The following SYT9 variants were observed in gnomAD, a reference collection of about 807,000 sequenced individuals.
SYT9 encodes synaptotagmin 9.
In SYT9, 22 loss-of-function variants were observed where a neutral mutation model predicts 48.4. The ratio of observed to expected loss-of-function variants is 0.45; its 90% CI spans 0.32 to 0.65. SYT9 has a LOEUF of 0.65. SYT9 is among the 30% of genes least tolerant of loss of function. The pLI, the probability that SYT9 is intolerant of heterozygous loss-of-function variation, is 0.03. For synonymous variants in SYT9, 265 were observed against 245.0 expected (o/e 1.08, Z -0.76); for missense variants, 577 against 622.0 (o/e 0.93, Z 0.77).
intron 6 of SYT9, among the ~76,000 whole-genome samples, chr11:7,448,062 C>T (rs1001389744): frequency 1.3e-5 from 2 of 152,226 alleles, no homozygotes; most frequent in Non-Finnish European, 2.9e-5. Flanking sequence ...TTTTGCCTAA[C>T]AGCATGAGCT....
intron 3 of SYT9, among the ~76,000 whole-genome samples, chr11:7,358,506 A>G (rs994290383): frequency 5.9e-5 from 9 of 152,172 alleles, no homozygotes; most frequent in African/African-American, 7.2e-5. Flanking sequence ...GAAATGGGGC[A>G]AGCAAGTATT....
intron 3 of SYT9, among the ~76,000 whole-genome samples, chr11:7,314,752 C>T (rs984478005): frequency 6.6e-6 from 1 of 152,220 alleles, no homozygotes; most frequent in African/African-American, 2.4e-5. Context: ...TTGTTTCTTT[C>T]ACCTGTCCAA....
intron 2 of SYT9, among the ~76,000 whole-genome samples, chr11:7,310,334 A>G (rs767763047): frequency 1.1e-4 from 17 of 150,082 alleles, no homozygotes; most frequent in Admixed American, 4.0e-4. Flanking sequence ...GGGTTTTACT[A>G]TGTTGGCCAG....
intron 1 of SYT9, among the ~76,000 whole-genome samples, chr11:7,292,944 G>T (rs773566776): frequency 6.6e-6 from 1 of 152,172 alleles, no homozygotes; most frequent in Non-Finnish European, 1.5e-5. Flanking sequence ...TAGGCAGCAA[G>T]TGGGGACTCA....
intron 2 of SYT9, among the ~76,000 whole-genome samples, chr11:7,307,702 A>C (rs1014543317): frequency 2.0e-4 from 31 of 152,222 alleles, no homozygotes; most frequent in Admixed American, 2.0e-3. Flanking sequence ...TGCATGGGAC[A>C]GTGGTGAAGA....
intron 6 of SYT9, chr11:7,427,446 T>C (rs931370779): frequency 6.6e-6 from 1 of 152,212 alleles, no homozygotes; most frequent in Non-Finnish European, 1.5e-5. Flanking sequence ...CTCTACTTGA[T>C]GTAGGCAGCC....
chr11:7,412,060 A>T (rs577379215), intron 3 of SYT9, among the ~76,000 whole-genome samples: 7 of 151,988 alleles, frequency 4.6e-5, no homozygotes, highest in East Asian at 3.9e-4. Context: ...TGGTTCTTTT[A>T]AAAAAAATGT....
chr11:7,356,763 A>AT (rs1202869053), intron 3 of SYT9, among the ~76,000 whole-genome samples: 1 of 152,252 alleles, frequency 6.6e-6, no homozygotes, highest in East Asian at 1.9e-4. Context: ...GAATATAGTT[A>AT]TTTTTTATTT....
intron 6 of SYT9, chr11:7,440,762 T>C (rs1001859062): frequency 2.0e-5 from 3 of 152,236 alleles, no homozygotes; most frequent in African/African-American, 7.2e-5. Flanking sequence ...CAGCTTAAGA[T>C]ACCAGAATAA....
chr11:7,254,431 C>T (rs1022914192), intron 1 of SYT9, among the ~76,000 whole-genome samples: 1 of 152,170 alleles, frequency 6.6e-6, no homozygotes, highest in African/African-American at 2.4e-5. Context: ...CCTTCATTTC[C>T]CTCCTTCCTT....
chr11:7,337,149 C>T (rs1343650778), intron 3 of SYT9, among the ~76,000 whole-genome samples: 1 of 152,032 alleles, frequency 6.6e-6, no homozygotes, highest in Non-Finnish European at 1.5e-5. Flanking sequence ...CTCGGCTTGG[C>T]TGTTGCTGGT....
intron 6 of SYT9, among the ~76,000 whole-genome samples, chr11:7,425,856 C>G (rs1431534669): frequency 6.6e-6 from 1 of 151,894 alleles, no homozygotes; most frequent in Non-Finnish European, 1.5e-5. Flanking sequence ...ATGAGGTGCT[C>G]CCCCCCAATA....
At chr11:7,306,609 C>T (rs1269047363) in intron 2 of SYT9, among the ~76,000 whole-genome samples, 5 of 152,202 alleles carry the variant, frequency 3.3e-5, no homozygotes, top group African/African-American at 7.2e-5. Context: ...GGTCTTCACA[C>T]GTTGTTCCCT....
At chr11:7,414,604 A>AT (rs1283293066) in intron 3 of SYT9, among the ~76,000 whole-genome samples, 1 of 152,230 alleles carries the variant, frequency 6.6e-6, no homozygotes, top group Non-Finnish European at 1.5e-5. Context: ...GCCCAGTCAC[A>AT]TGGGTCCCTT....
intron 6 of SYT9, among the ~76,000 whole-genome samples, chr11:7,458,738 T>C (rs1035745562): frequency 6.6e-6 from 1 of 151,908 alleles, no homozygotes; most frequent in Non-Finnish European, 1.5e-5. Flanking sequence ...GAGAGTAATG[T>C]GGGGGATGCA....
intron 1 of SYT9, among the ~76,000 whole-genome samples, chr11:7,291,060 A>G (rs1197494913): frequency 6.6e-6 from 1 of 152,228 alleles, no homozygotes; most frequent in African/African-American, 2.4e-5. Context: ...GACACATGCA[A>G]TGGGGTGACT....
intron 1 of SYT9, among the ~76,000 whole-genome samples, chr11:7,239,713 C>T (rs7110514): frequency 0.056 from 8,544 of 151,758 alleles, 570 homozygotes; most frequent in African/African-American, 0.17. Flanking sequence ...GGAGTAGGGG[C>T]GGAGAGAAGG....
At chr11:7,292,135 G>C (rs1393523167) in intron 1 of SYT9, among the ~76,000 whole-genome samples, 1 of 152,120 alleles carries the variant, frequency 6.6e-6, no homozygotes, top group Non-Finnish European at 1.5e-5. Flanking sequence ...ATTATATATT[G>C]CTTTATGAGA....
At chr11:7,338,695 G>C (rs1849667929) in intron 3 of SYT9, among the ~76,000 whole-genome samples, 1 of 152,040 alleles carries the variant, frequency 6.6e-6, no homozygotes. Flanking sequence ...TTTTTATTGT[G>C]CTATGATCTG....
Sources: gnomAD v4.1 joint callset for allele counts (sites outside exome capture counted in the v4.1 genomes callset) on GRCh38, gnomAD v4.1.1 for gene constraint, MANE v1.5 for transcripts, NCBI Gene and HGNC (gene_info 2026-07-23, HGNC 2026-07-21) for gene names.